The following BTRC variants were observed in gnomAD, a reference collection of about 807,000 sequenced individuals.
BTRC encodes F-box/WD repeat-containing protein 1A.
BTRC carries 42 observed loss-of-function variants against 85.5 expected under a neutral mutation model. The ratio of observed to expected loss-of-function variants is 0.49; its 90% CI spans 0.38 to 0.64. The LOEUF (loss-of-function observed/expected upper bound fraction) is 0.64, where lower values mean the gene tolerates loss of function less well. Ranked by LOEUF, BTRC falls within the 30% of genes least tolerant of loss-of-function variation. The pLI is 0.00. For missense variants in BTRC, 594 were observed against 743.5 expected (o/e 0.80, Z 2.34); for synonymous variants, 255 against 263.3 (o/e 0.97, Z 0.30).
chr10:101,374,568 TGGGA>T (rs1308023630), intron 1 of BTRC, among the ~76,000 whole-genome samples: 1 of 133,634 alleles, frequency 7.5e-6, no homozygotes, highest in East Asian at 2.3e-4. Context: ...CACTCATAGG[TGGGA>T]ATTGAACAAT....
rs576393344 is a variant in BTRC at position 101,476,479 on chromosome 10, C to CT, written c.235-2882dup. ...GGAAATCTTTACTTTTTCTTTCTTT[C>CT]TTTTTTTAAAGAGATGATGTCTTGA... On this transcript the variant is annotated intron_variant, in intron 3 of 14. Transcript: ENST00000370187. 1.5e-4 allele frequency among the ~76,000 whole-genome samples: 23 copies of CT among 152,090 alleles called. No homozygotes were observed. The South Asian group carries it at 4.8e-3, about 32-fold the overall frequency.
At chr10:101,424,685 AG>A (rs1944202371) in intron 1 of BTRC, among the ~76,000 whole-genome samples, 1 of 152,190 alleles carries the variant, frequency 6.6e-6, no homozygotes, top group Non-Finnish European at 1.5e-5. Flanking sequence ...AGCCAAGTGT[AG>A]GGGGAAGAGT....
intron 2 of BTRC, among the ~76,000 whole-genome samples, chr10:101,442,862 A>G (rs1944723419): frequency 4.6e-5 from 7 of 151,282 alleles, no homozygotes. Context: ...AGCAGTATCA[A>G]AGTAAGTTGT....
At chr10:101,415,511 G>T (rs61874009) in intron 1 of BTRC, among the ~76,000 whole-genome samples, 9,363 of 14,016 alleles carry the variant, frequency 0.67, 3,400 homozygotes, top group East Asian at 0.81. Context: ...GTTATGTTAT[G>T]TTATGTTATG....
At chr10:101,443,006 C>G (rs553627146) in intron 2 of BTRC, among the ~76,000 whole-genome samples, 1 of 151,076 alleles carries the variant, frequency 6.6e-6, no homozygotes, top group African/African-American at 2.4e-5. Context: ...CTCAGCCTCT[C>G]GAGTAGCTGG....
intron 5 of BTRC, among the ~76,000 whole-genome samples, chr10:101,524,404 C>T (rs2062161315): frequency 6.6e-6 from 1 of 152,120 alleles, no homozygotes; most frequent in Non-Finnish European, 1.5e-5. Flanking sequence ...TATCCTTTAC[C>T]TAATATTGAT....
intron 3 of BTRC, among the ~76,000 whole-genome samples, chr10:101,467,478 A>G (rs752392115): frequency 1.4e-4 from 21 of 152,076 alleles, no homozygotes; most frequent in Admixed American, 6.6e-5. Flanking sequence ...GTGTTAAGAC[A>G]CTTCTCCCTC....
intron 4 of BTRC, among the ~76,000 whole-genome samples, chr10:101,482,591 T>A (rs1945868333): frequency 6.6e-6 from 1 of 151,696 alleles, no homozygotes; most frequent in Non-Finnish European, 1.5e-5. Flanking sequence ...GAGACGGGGT[T>A]TCACCGCGTT....
intron 3 of BTRC, among the ~76,000 whole-genome samples, chr10:101,462,804 G>A (rs548408280): frequency 2.6e-5 from 4 of 152,148 alleles, no homozygotes; most frequent in East Asian, 1.9e-4. Context: ...AACAAGAAAC[G>A]CAAGTTCTTA....
intron 4 of BTRC, among the ~76,000 whole-genome samples, chr10:101,488,040 A>G (rs2134249745): frequency 6.6e-6 from 1 of 152,250 alleles, no homozygotes; most frequent in East Asian, 1.9e-4. Flanking sequence ...TTACCAGCAT[A>G]CTTTCTTTGG....
chr10:101,442,726 TAGC>T (rs1440516248), intron 2 of BTRC, among the ~76,000 whole-genome samples: 2 of 152,268 alleles, frequency 1.3e-5, no homozygotes, highest in Non-Finnish European at 2.9e-5. Flanking sequence ...TGAAATGTCT[TAGC>T]ATCATAGAAA....
intron 4 of BTRC, among the ~76,000 whole-genome samples, chr10:101,485,117 G>T (rs1031938800): frequency 6.6e-6 from 1 of 152,156 alleles, no homozygotes; most frequent in African/African-American, 2.4e-5. Flanking sequence ...GCCATTGGTT[G>T]AGGAAAGTGT....
chr10:101,365,055 T>C (rs1942328219), intron 1 of BTRC: 1 of 152,048 alleles, frequency 6.6e-6, no homozygotes, highest in Non-Finnish European at 1.5e-5. Context: ...TTTTCTTTTT[T>C]TCTTTTTAAA....
intron 13 of BTRC, among the ~76,000 whole-genome samples, chr10:101,543,771 A>C (rs1048498978): frequency 2.6e-5 from 4 of 152,214 alleles, no homozygotes; most frequent in Non-Finnish European, 5.9e-5. Flanking sequence ...TGTATAATGT[A>C]GGAAACTTAA....
At chr10:101,511,302 A>G (rs2061950370) in intron 4 of BTRC, among the ~76,000 whole-genome samples, 3 of 152,224 alleles carry the variant, frequency 2.0e-5, no homozygotes, top group African/African-American at 7.2e-5. Flanking sequence ...ATCTTCCCCA[A>G]GATCTTCACA....
rs568936424 is a variant in BTRC at position 101,493,596 on chromosome 10, A to G, written c.324+14139A>G. 3.9e-5 allele frequency among the ~76,000 whole-genome samples: 6 copies of G among 152,364 alleles called. No homozygotes were observed. The East Asian group carries it at 1.2e-3, about 29-fold the overall frequency. ...TCTGTGGTGTCTATTGAATGTTAAC[A>G]ATTTACTAACAACTAGCCAGGATTT... On this transcript the variant is annotated intron_variant, in intron 4 of 14. Transcript: ENST00000370187.
chr10:101,437,016 C>G (rs1400445917), intron 2 of BTRC, among the ~76,000 whole-genome samples: 1 of 151,984 alleles, frequency 6.6e-6, no homozygotes, highest in Non-Finnish European at 1.5e-5. Context: ...AAAACAATAC[C>G]ATAAGGAAAA....
intron 4 of BTRC, among the ~76,000 whole-genome samples, chr10:101,491,426 G>T (rs970776271): frequency 6.6e-6 from 1 of 151,964 alleles, no homozygotes. Flanking sequence ...GGCCTGGTTC[G>T]GCTCACACTT....
chr10:101,375,518 T>C (rs1590217503), intron 1 of BTRC, among the ~76,000 whole-genome samples: 1 of 152,306 alleles, frequency 6.6e-6, no homozygotes, highest in South Asian at 2.1e-4. Context: ...TACAAGGGTA[T>C]ACATTCAGCA....
Sources: gnomAD v4.1 joint callset for allele counts (sites outside exome capture counted in the v4.1 genomes callset) on GRCh38, gnomAD v4.1.1 for gene constraint, MANE v1.5 for transcripts, NCBI Gene and HGNC (gene_info 2026-07-23, HGNC 2026-07-21) for gene names.